Variants in HIF1A observed in about 807,000 individuals in gnomAD.
HIF1A encodes hypoxia inducible factor 1 subunit alpha.
Under a neutral mutation model 92.7 loss-of-function variants are expected in HIF1A, and 24 were observed. The ratio of observed to expected loss-of-function variants is 0.26; its 90% CI spans 0.19 to 0.36. The LOEUF is 0.36. Among genes scored for constraint, HIF1A ranks in the 10% least tolerant of loss-of-function variants. The pLI is 1.00. For missense variants in HIF1A, 799 were observed against 998.5 expected (o/e 0.80, Z 2.69); for synonymous variants, 319 against 338.7 (o/e 0.94, Z 0.64).
At chr14:61,738,459 T>C (rs2044666425) in intron 10 of HIF1A, 86 bp downstream of exon 10, 1 of 1,140,558 alleles carries the variant, frequency 8.8e-7, no homozygotes, top group African/African-American at 1.5e-5. Context: ...CAAACACTTA[T>C]TTGAACCACA....
intron 9 of HIF1A, 77 bp downstream of exon 9, chr14:61,737,186 G>A (rs1309486820): frequency 1.1e-5 from 10 of 926,396 alleles, no homozygotes; most frequent in African/African-American, 1.7e-5. Context: ...ATTACTTTAC[G>A]GTTTTTGTTG....
At chr14:61,703,819 A>G (rs375445932) in intron 1 of HIF1A, among the ~76,000 whole-genome samples, 2,055 of 43,056 alleles carry the variant, frequency 0.048, 33 homozygotes, top group Non-Finnish European at 0.065. Flanking sequence ...TTGACCAGTA[A>G]TTAATGGGCC....
chr14:61,696,180 C>G (rs1441967862), intron 1 of HIF1A, among the ~76,000 whole-genome samples: 1 of 152,270 alleles, frequency 6.6e-6, no homozygotes, highest in Admixed American at 6.5e-5. Context: ...CCGGAGGGGA[C>G]TTTACCCAGC....
intron 10 of HIF1A, 24 bp from the exon 11 acceptor site, chr14:61,740,481 T>C (rs769153937): frequency 1.5e-5 from 23 of 1,527,810 alleles, no homozygotes; most frequent in South Asian, 7.5e-5. Flanking sequence ...CTTCAGGAAA[T>C]AGTAAACATA....
chr14:61,727,731 A>T, intron 6 of HIF1A, 76 bp downstream of exon 6: 4 of 1,122,642 alleles, frequency 3.6e-6, no homozygotes, highest in Non-Finnish European at 5.3e-6. Flanking sequence ...CATAGCAAAG[A>T]TTCAGCGCTG....
Position 61,737,014 on chromosome 14 carries a change from G to C in HIF1A, c.1154G>C (p.Ser385Thr). ...FTKVESEDTS[S>T]LFDKLKKEPD... Reference sequence around the variant, plus strand: ...AAAGTTGAATCAGAAGATACAAGTAGCCTCTTTGACAAACTTAAGAAGGAA... The same window carrying C: ...AAAGTTGAATCAGAAGATACAAGTACCCTCTTTGACAAACTTAAGAAGGAA... The change falls in exon 9 of 15, where the codon AGC becomes ACC. Residue 385 changes from serine (S) to threonine (T), a missense_variant. Around this residue, in one of 2 missense-constraint regions of HIF1A, gnomAD observed 516 missense variants for 721.0 expected, o/e 0.72. Transcript: ENST00000337138. The C allele has an allele frequency of 6.2e-7, 1 of 1,614,076 alleles. No homozygotes were observed. Among genetic ancestry groups the C allele is most frequent in the Admixed American group, 1.7e-5 (1 of 60,026 alleles).
chr14:61,696,479 A>G (rs2044118065), intron 1 of HIF1A, among the ~76,000 whole-genome samples: 1 of 152,166 alleles, frequency 6.6e-6, no homozygotes, highest in Non-Finnish European at 1.5e-5. Context: ...CGAACTTTTT[A>G]GTTTGCACGT....
In HIF1A at chr14:61,747,007, A is replaced by C; in HGVS notation, c.2403A>C (p.Glu801Asp). The C allele has an allele frequency of 6.2e-7, 1 of 1,613,778 alleles. No individual in the cohort carries two copies. ...GLPQLTSYDC[E>D]VNAPIQGSRN... ...CACAGCTGACCAGTTATGATTGTGA[A>C]GTTAATGCTCCTATACAAGGCAGCA... Residue 801 changes from glutamate (E) to aspartate (D), a missense_variant, in exon 15 of 15, where the codon GAA becomes GAC. Coordinates refer to ENST00000337138, the MANE Select transcript of HIF1A (RefSeq NM_001530.4).
At chr14:61,706,664 T>A (rs915919654) in intron 1 of HIF1A, among the ~76,000 whole-genome samples, 1 of 152,154 alleles carries the variant, frequency 6.6e-6, no homozygotes, top group African/African-American at 2.4e-5. Flanking sequence ...TTAAATCACC[T>A]GAGTGTCTAG....
chr14:61,747,311 T>G lies in HIF1A; in HGVS notation c.*226T>G, dbSNP rs926344697. On this transcript the variant is annotated 3_prime_UTR_variant, in exon 15 of 15. Coordinates refer to ENST00000337138, the MANE Select transcript of HIF1A (RefSeq NM_001530.4). ...CTCATTTTCTCAGTTTTTTGGTATT[T>G]AAACCATTGCATTGCAGTAGCATCA... The G allele has an allele frequency of 1.7e-5, 6 of 355,642 alleles. No individual in the cohort carries two copies. Among genetic ancestry groups the G allele is most frequent in the Non-Finnish European group, 3.0e-5 (6 of 198,906 alleles). 22.0% of individuals were successfully genotyped at this position (355,642 alleles called of 1,614,324 possible).
At chr14:61,721,877 A>C in intron 4 of HIF1A, 54 bp downstream of exon 4, 1 of 1,230,110 alleles carries the variant, frequency 8.1e-7, no homozygotes, top group Non-Finnish European at 1.2e-6. Context: ...ACATAATAAG[A>C]TACTATTGCT....
intron 7 of HIF1A, among the ~76,000 whole-genome samples, chr14:61,732,874 G>A (rs1289688400): frequency 6.6e-6 from 1 of 152,150 alleles, no homozygotes; most frequent in Non-Finnish European, 1.5e-5. Context: ...TACAATCAAT[G>A]AATGTGAAGG....
intron 1 of HIF1A, among the ~76,000 whole-genome samples, chr14:61,711,072 T>C (rs1027915358): frequency 1.2e-4 from 18 of 144,890 alleles, no homozygotes; most frequent in African/African-American, 4.3e-4. Flanking sequence ...AAAAAGGCAA[T>C]AGGATTAGGT....
At position 61,726,749 on chromosome 14, in the gene HIF1A, T is replaced by C; in HGVS notation, c.501T>C (p.Phe167=). ...KGKEQNTQRS[F]FLRMKCTLTS... ...AAGAACAAAACACACAGCGAAGCTT[T>C]TTTCTCAGAATGAAGTGTACCCTAA... The change falls in exon 5 of 15, where the codon TTT becomes TTC. Residue 167 remains phenylalanine, a synonymous_variant. Transcript: ENST00000337138. 1 of 1,609,690 alleles carries C rather than the reference T, an allele frequency of 6.2e-7. No individual in the cohort carries two copies. The highest frequency in any genetic ancestry group is 1.1e-5 in the South Asian group (1 of 89,832).
chr14:61,719,659 A>G (rs2044403061), intron 1 of HIF1A, among the ~76,000 whole-genome samples: 3 of 152,158 alleles, frequency 2.0e-5, no homozygotes, highest in African/African-American at 7.2e-5. Context: ...AAGATATGTC[A>G]TTGTATTGAC....
chr14:61,717,865 A>G (rs939065622), intron 1 of HIF1A, among the ~76,000 whole-genome samples: 13 of 138,012 alleles, frequency 9.4e-5, no homozygotes, highest in Admixed American at 8.4e-4. Context: ...TACTAAAAAT[A>G]CAAAAATTAG....
intron 4 of HIF1A, among the ~76,000 whole-genome samples, chr14:61,724,764 C>T (rs10144011): frequency 0.13 from 19,402 of 152,086 alleles, 2,414 homozygotes; most frequent in African/African-American, 0.34. Context: ...CTTTTGCCAC[C>T]ATTCTTTTCC....
intron 7 of HIF1A, among the ~76,000 whole-genome samples, chr14:61,732,979 G>T (rs2044594305): frequency 6.6e-6 from 1 of 152,192 alleles, no homozygotes; most frequent in Non-Finnish European, 1.5e-5. Context: ...GAAATATTTT[G>T]ATATAGGCAT....
intron 1 of HIF1A, among the ~76,000 whole-genome samples, chr14:61,696,544 G>T (rs987081466): frequency 2.0e-5 from 3 of 152,216 alleles, no homozygotes; most frequent in Non-Finnish European, 4.4e-5. Context: ...CTGAGAGTCA[G>T]AGTAATGGGA....
Sources: gnomAD v4.1 joint callset for allele counts (sites outside exome capture counted in the v4.1 genomes callset) on GRCh38, gnomAD v4.1.1 for gene constraint, gnomAD v4.1.1 regional missense constraint, MANE v1.5 for transcripts, NCBI Gene and HGNC (gene_info 2026-07-23, HGNC 2026-07-21) for gene names.